Variants in UBTD2 observed in about 807,000 individuals in gnomAD.
The protein encoded by UBTD2 is ubiquitin domain-containing protein 2.
In UBTD2, 9 loss-of-function variants were observed where a neutral mutation model predicts 19.8. The observed-to-expected ratio is 0.46, with a 90% CI of 0.27 to 0.79. The LOEUF (loss-of-function observed/expected upper bound fraction) is 0.79, where lower values mean the gene tolerates loss of function less well. Ranked by LOEUF, UBTD2 falls within the 30% of genes least tolerant of loss-of-function variation. UBTD2 has a pLI of 0.14. For synonymous variants in UBTD2, 98 were observed against 103.9 expected, an observed-to-expected ratio of 0.94 and a Z score of 0.35; for missense variants, 250 against 300.4, an observed-to-expected ratio of 0.83 and a Z score of 1.24.
intron 2 of UBTD2, among the ~76,000 whole-genome samples, chr5:172,228,658 T>A (rs987883333): frequency 6.6e-6 from 1 of 151,828 alleles, no homozygotes. Flanking sequence ...GAGGTGGAGG[T>A]TGCAGTGAGC....
At chr5:172,224,697 T>C (rs958951390) in intron 2 of UBTD2, among the ~76,000 whole-genome samples, 3 of 152,170 alleles carry the variant, frequency 2.0e-5, no homozygotes, top group African/African-American at 7.2e-5. Context: ...TGCTTCCCCA[T>C]CATGATTGTA....
chr5:172,258,307 G>C (rs28801410), intron 1 of UBTD2, among the ~76,000 whole-genome samples: 45,688 of 151,926 alleles, frequency 0.3, 6,988 homozygotes, highest in South Asian at 0.42. Flanking sequence ...GTAGGTGTGT[G>C]ACTTTATTTC....
chr5:172,244,918 G>A (rs959801941), intron 1 of UBTD2, among the ~76,000 whole-genome samples: 2 of 151,880 alleles, frequency 1.3e-5, no homozygotes, highest in African/African-American at 4.8e-5. Flanking sequence ...TAGTAGAGAC[G>A]GGTTTCACCA....
At chr5:172,279,973 C>T (rs1169578847) in intron 1 of UBTD2, among the ~76,000 whole-genome samples, 4 of 151,982 alleles carry the variant, frequency 2.6e-5, no homozygotes, top group South Asian at 2.1e-4. Flanking sequence ...CGGTGGCGCA[C>T]GCCGGTAATG....
chr5:172,254,388 C>T (rs763609096), intron 1 of UBTD2: 26 of 320,650 alleles, frequency 8.1e-5, no homozygotes, highest in Non-Finnish European at 1.2e-4. Flanking sequence ...TGAGCCACTG[C>T]GCCCGGCCTC....
chr5:172,255,126 T>C (rs576901507), intron 1 of UBTD2: 95 of 465,540 alleles, frequency 2.0e-4, no homozygotes, highest in African/African-American at 1.7e-3. Flanking sequence ...GTATTTTCAT[T>C]GGTGGGCTGG....
intron 1 of UBTD2, among the ~76,000 whole-genome samples, chr5:172,242,230 A>T (rs983024612): frequency 1.6e-4 from 25 of 152,210 alleles, no homozygotes; most frequent in African/African-American, 4.6e-4. Context: ...TTTCTTTATA[A>T]ATTACCCAGT....
At chr5:172,224,245 C>A (rs1771714985) in intron 2 of UBTD2, among the ~76,000 whole-genome samples, 1 of 141,044 alleles carries the variant, frequency 7.1e-6, no homozygotes. Context: ...GGCGGCTTCC[C>A]CCAAGCTCTT....
At chr5:172,272,604 T>A (rs1189322726) in intron 1 of UBTD2, among the ~76,000 whole-genome samples, 3 of 152,196 alleles carry the variant, frequency 2.0e-5, no homozygotes, top group African/African-American at 4.8e-5. Context: ...AGAATGTGTT[T>A]TAGTCAAAAG....
At chr5:172,212,582 G>C (rs1332008385) in intron 2 of UBTD2, among the ~76,000 whole-genome samples, 1 of 152,100 alleles carries the variant, frequency 6.6e-6, no homozygotes, top group Non-Finnish European at 1.5e-5. Context: ...AAATGAATCC[G>C]CTACCTTAAA....
chr5:172,238,312 T>C (rs957339325), intron 1 of UBTD2, among the ~76,000 whole-genome samples: 1 of 152,206 alleles, frequency 6.6e-6, no homozygotes, highest in African/African-American at 2.4e-5. Flanking sequence ...AAACATCTTT[T>C]ATTCCCCAAA....
At chr5:172,216,242 C>T (rs947112653) in intron 2 of UBTD2, among the ~76,000 whole-genome samples, 1 of 151,840 alleles carries the variant, frequency 6.6e-6, no homozygotes, top group Non-Finnish European at 1.5e-5. Context: ...AAACAAAAAA[C>T]CCCACCACAA....
At chr5:172,234,412 T>A in intron 1 of UBTD2, 54 bp from the exon 2 acceptor site, 1 of 1,390,450 alleles carries the variant, frequency 7.2e-7, no homozygotes. Context: ...AAAATATGTA[T>A]CAAAAGTTAT....
At chr5:172,226,435 A>C (rs920218863) in intron 2 of UBTD2, among the ~76,000 whole-genome samples, 1 of 152,182 alleles carries the variant, frequency 6.6e-6, no homozygotes, top group South Asian at 2.1e-4. Context: ...GGTTGTTGTA[A>C]AGATTAAATA....
intron 1 of UBTD2, among the ~76,000 whole-genome samples, chr5:172,273,101 AT>A (rs879418058): frequency 0.28 from 39,686 of 142,874 alleles, 6,094 homozygotes; most frequent in South Asian, 0.39. Flanking sequence ...AAAAATAAAA[AT>A]AAAAATAAAA....
chr5:172,222,012 C>T (rs1420327494), intron 2 of UBTD2, among the ~76,000 whole-genome samples: 1 of 152,148 alleles, frequency 6.6e-6, no homozygotes. Flanking sequence ...CTTAAAACCA[C>T]TCTAAAATAA....
At chr5:172,280,611 C>A (rs899021884) in intron 1 of UBTD2, among the ~76,000 whole-genome samples, 42 of 151,874 alleles carry the variant, frequency 2.8e-4, no homozygotes, top group African/African-American at 9.9e-4. Flanking sequence ...ATGATCATGC[C>A]ACAGTACTTC....
chr5:172,280,231 G>A (rs529879639), intron 1 of UBTD2, among the ~76,000 whole-genome samples: 2 of 149,352 alleles, frequency 1.3e-5, no homozygotes, highest in African/African-American at 4.9e-5. Context: ...AAAAGGCTGG[G>A]CACAGTCGCT....
chr5:172,212,048 C>A lies in UBTD2; in HGVS notation c.487G>T (p.Asp163Tyr). 1 of 1,614,248 alleles carries A rather than the reference C, an allele frequency of 6.2e-7. No homozygotes were observed. Among genetic ancestry groups the A allele is most frequent in the Non-Finnish European group, 8.5e-7 (1 of 1,180,040 alleles). ...QLRLRLSTGK[D>Y]LKLVVRSTDT... ...GTGCTGCGAACCACAAGCTTGAGGT[C>A]TTTGCCTGTGGAAAGGCGCAAACGA... The change falls in exon 3 of 3, where the codon GAC (aspartate) becomes TAC (tyrosine). Residue 163 changes from aspartate (D) to tyrosine (Y), a missense_variant. By Grantham distance (160) the Asp-to-Tyr change is radical. Transcript: ENST00000393792.
Sources: allele counts gnomAD v4.1 joint callset (sites outside exome capture counted in the v4.1 genomes callset), GRCh38; gene constraint gnomAD v4.1.1; transcripts MANE v1.5; gene names NCBI Gene and HGNC (gene_info 2026-07-23, HGNC 2026-07-21).